The following GGA2 variants were observed in gnomAD, a reference collection of about 807,000 sequenced individuals.
GGA2 encodes the protein golgi associated, gamma adaptin ear containing, ARF binding protein 2, also known as ADP-ribosylation factor-binding protein GGA2.
A neutral mutation model predicts 79.5 loss-of-function variants in GGA2; 48 were observed. The ratio of observed to expected loss-of-function variants is 0.60; its 90% CI spans 0.48 to 0.77. The LOEUF (loss-of-function observed/expected upper bound fraction) is 0.77. GGA2 is among the 30% of genes least tolerant of loss of function. The pLI is 0.00. For synonymous variants in GGA2, 317 were observed against 302.0 expected (o/e 1.05, Z -0.51); for missense variants, 770 against 774.0 (o/e 0.99, Z 0.06).
chr16:23,509,856 T>TA (rs1794556053), intron 1 of GGA2, among the ~76,000 whole-genome samples: 1 of 151,274 alleles, frequency 6.6e-6, no homozygotes, highest in African/African-American at 2.4e-5. Context: ...GGTAGCCAGA[T>TA]AGAGATCTTT....
At chr16:23,483,993 T>TA (rs769058627) in intron 8 of GGA2, among the ~76,000 whole-genome samples, 152 of 119,000 alleles carry the variant, frequency 1.3e-3, no homozygotes, top group Middle Eastern at 4.2e-3. Context: ...AGGAAGACAT[T>TA]AAAAAAAAAA....
At chr16:23,495,807 T>A in intron 1 of GGA2, 29 bp from the exon 2 acceptor site, 1 of 1,473,856 alleles carries the variant, frequency 6.8e-7, no homozygotes, top group African/African-American at 1.4e-5. Context: ...AGTTAGAGAG[T>A]ACATAATAGG....
intron 7 of GGA2, 48 bp from the exon 8 acceptor site, chr16:23,486,200 C>T (rs1567363653): frequency 6.3e-7 from 1 of 1,575,138 alleles, no homozygotes; most frequent in Non-Finnish European, 8.7e-7. Context: ...GAAACCCTGG[C>T]TGAAGCCTGA....
intron 14 of GGA2, among the ~76,000 whole-genome samples, chr16:23,474,546 G>A (rs2142116145): frequency 6.6e-6 from 1 of 152,030 alleles, no homozygotes; most frequent in African/African-American, 2.4e-5. Flanking sequence ...TTTGTAGAGA[G>A]AGGGCTTCGT....
At chr16:23,516,532 T>C (rs921718767) in intron 2 of GGA2, among the ~76,000 whole-genome samples, 1 of 152,130 alleles carries the variant, frequency 6.6e-6, no homozygotes, top group African/African-American at 2.4e-5. Flanking sequence ...TGCTTAAGTC[T>C]CTCCTTGGCA....
intron 1 of GGA2, among the ~76,000 whole-genome samples, chr16:23,506,054 G>A (rs1204974872): frequency 6.6e-6 from 1 of 152,124 alleles, no homozygotes; most frequent in Non-Finnish European, 1.5e-5. Context: ...ACTATTTTAA[G>A]TGCTTTCTGT....
intron 1 of GGA2, among the ~76,000 whole-genome samples, chr16:23,503,602 C>T (rs1189719314): frequency 1.3e-5 from 2 of 152,130 alleles, no homozygotes; most frequent in Non-Finnish European, 2.9e-5. Flanking sequence ...TCTATTATCC[C>T]ATCATTGTTA....
At chr16:23,469,936 A>G in intron 15 of GGA2, 60 bp downstream of exon 15, 1 of 1,279,240 alleles carries the variant, frequency 7.8e-7, no homozygotes, top group Non-Finnish European at 1.1e-6. Flanking sequence ...AAGTCCCAGA[A>G]AAGAACCTGG....
chr16:23,516,922 G>A (rs1262466994), intron 2 of GGA2, among the ~76,000 whole-genome samples: 2 of 152,152 alleles, frequency 1.3e-5, no homozygotes, highest in African/African-American at 4.8e-5. Context: ...ACTGCTGCAG[G>A]CAGCCAACTG....
intron 13 of GGA2, 77 bp from the exon 14 acceptor site, chr16:23,475,138 G>C: frequency 3.6e-5 from 26 of 720,676 alleles, no homozygotes; most frequent in East Asian, 3.3e-5. Context: ...GCTTATTAAA[G>C]AACAAGGAAA....
chr16:23,477,376 C>G (rs1404417908), intron 13 of GGA2, among the ~76,000 whole-genome samples: 1 of 152,220 alleles, frequency 6.6e-6, no homozygotes, highest in Non-Finnish European at 1.5e-5. Flanking sequence ...TAGTAAGTCT[C>G]ATGAGACCTG....
upstream of GGA2, chr16:23,510,615 GGTCTT>G: frequency 2.6e-6 from 1 of 380,022 alleles, no homozygotes; most frequent in Non-Finnish European, 4.7e-6. Context: ...ACCCAGCGCT[GGTCTT>G]CTAAGACCAC....
chr16:23,479,468 T>C (rs915170727), intron 11 of GGA2, among the ~76,000 whole-genome samples: 11 of 148,272 alleles, frequency 7.4e-5, no homozygotes, highest in Middle Eastern at 3.6e-3. Context: ...AGGTATGTGC[T>C]CCCTCAGCAG....
At chr16:23,483,815 T>TACTG (rs1964679323) in intron 8 of GGA2, among the ~76,000 whole-genome samples, 1 of 151,250 alleles carries the variant, frequency 6.6e-6, no homozygotes, top group Non-Finnish European at 1.5e-5. Context: ...GCCCGGCTGA[T>TACTG]ACTGTATTTT....
chr16:23,508,120 C>T (rs904727338), intron 1 of GGA2, among the ~76,000 whole-genome samples: 1 of 150,334 alleles, frequency 6.7e-6, no homozygotes, highest in African/African-American at 2.5e-5. Context: ...TGGAGTGCAG[C>T]GGTGCAATCT....
intron 2 of GGA2, 33 bp from the exon 3 acceptor site, chr16:23,494,411 C>T (rs950598719): frequency 6.2e-6 from 9 of 1,457,330 alleles, no homozygotes; most frequent in East Asian, 4.5e-5. Flanking sequence ...AGACTCTGGG[C>T]GGGCAAAAAG....
chr16:23,519,446 A>C (rs1007707969), intron 2 of GGA2: 17 of 204,496 alleles, frequency 8.3e-5, no homozygotes, highest in Admixed American at 3.1e-4. Flanking sequence ...TGATCATAGA[A>C]TATGACTCCC....
At position 23,474,953 on chromosome 16, in the gene GGA2, C is replaced by G; in HGVS notation, c.1401G>C (p.Gln467His). ...AGPLAPSPSS[Q>H]NTPLAQVFVP... ...CAAACACTTGAGCCAGAGGTGTATT[C>G]TGTGAAGATGGGGAAGGAGCCAACG... Residue 467 changes from glutamine to histidine, a missense_variant, in exon 14 of 17, where the codon CAG becomes CAC. By Grantham distance (24) the Gln-to-His change is conservative. Coordinates refer to ENST00000309859, the MANE Select transcript of GGA2 (RefSeq NM_015044.4). The G allele has an allele frequency of 6.2e-7, 1 of 1,613,304 alleles. No homozygotes were observed. Among genetic ancestry groups the G allele is most frequent in the Non-Finnish European group, 8.5e-7 (1 of 1,179,388 alleles).
chr16:23,480,977 G>C (rs1214892065), intron 9 of GGA2, among the ~76,000 whole-genome samples: 1 of 152,184 alleles, frequency 6.6e-6, no homozygotes, highest in Non-Finnish European at 1.5e-5. Flanking sequence ...AATGCAGAAG[G>C]AAGCAAATCT....
Sources: gnomAD v4.1 joint callset for allele counts (sites outside exome capture counted in the v4.1 genomes callset) on GRCh38, gnomAD v4.1.1 for gene constraint, MANE v1.5 for transcripts, NCBI Gene and HGNC (gene_info 2026-07-23, HGNC 2026-07-21) for gene names.